Variants in NLK observed in about 807,000 individuals in gnomAD.
NLK encodes nemo like kinase.
In NLK, 11 loss-of-function variants were observed where a neutral mutation model predicts 59.0. That is an observed-to-expected ratio of 0.19 (90% CI 0.12 to 0.31). NLK has a LOEUF of 0.31. Ranked by LOEUF, NLK falls within the 10% of genes least tolerant of loss-of-function variation. The pLI is 1.00. For missense variants in NLK, 410 were observed against 661.1 expected, an observed-to-expected ratio of 0.62 and a Z score of 4.16; for synonymous variants, 235 against 235.9, an observed-to-expected ratio of 1.00 and a Z score of 0.03.
intron 1 of NLK, 137 bp downstream of exon 1, chr17:28,043,468 C>G: frequency 1.3e-6 from 1 of 752,802 alleles, no homozygotes; most frequent in East Asian, 2.7e-5. Flanking sequence ...AAGCCACCCT[C>G]ACTTATGTGG....
chr17:28,110,970 A>C (rs1597686735), intron 1 of NLK, among the ~76,000 whole-genome samples: 1 of 149,722 alleles, frequency 6.7e-6, no homozygotes. Context: ...TCAGCCTCCC[A>C]AGTAGCTGGG....
intron 1 of NLK, among the ~76,000 whole-genome samples, chr17:28,078,409 C>T (rs144280809): frequency 5.9e-5 from 9 of 151,938 alleles, no homozygotes; most frequent in African/African-American, 1.9e-4. Flanking sequence ...TTGGGAAGTA[C>T]GGAGTTCCTG....
At chr17:28,113,985 A>G (rs1172828120) in intron 1 of NLK, among the ~76,000 whole-genome samples, 2 of 151,912 alleles carry the variant, frequency 1.3e-5, no homozygotes, top group Non-Finnish European at 2.9e-5. Context: ...GGTATCTTGT[A>G]GTGTATATTT....
At chr17:28,191,283 A>C in intron 9 of NLK, 64 bp downstream of exon 9, 9 of 1,311,446 alleles carry the variant, frequency 6.9e-6, no homozygotes, top group Non-Finnish European at 9.4e-6. Flanking sequence ...TTAGGTGGCC[A>C]TGAAGAGCTG....
intron 1 of NLK, among the ~76,000 whole-genome samples, chr17:28,080,051 A>G (rs755971688): frequency 6.6e-6 from 1 of 152,080 alleles, no homozygotes; most frequent in Non-Finnish European, 1.5e-5. Flanking sequence ...AGTTTCCCCA[A>G]TATTATTATT....
intron 1 of NLK, among the ~76,000 whole-genome samples, chr17:28,049,567 T>C (rs187767637): frequency 4.6e-5 from 7 of 152,318 alleles, no homozygotes; most frequent in African/African-American, 1.2e-4. Context: ...CCATATTGCT[T>C]TGGAGGAGTT....
intron 3 of NLK, among the ~76,000 whole-genome samples, chr17:28,157,874 C>A (rs1217473409): frequency 1.3e-5 from 2 of 150,950 alleles, no homozygotes; most frequent in Non-Finnish European, 2.9e-5. Context: ...AGTAGAGTAC[C>A]TATACCTAGC....
intron 8 of NLK, among the ~76,000 whole-genome samples, chr17:28,189,689 A>AT (rs1909242744): frequency 6.6e-6 from 1 of 152,240 alleles, no homozygotes; most frequent in African/African-American, 2.4e-5. Context: ...AAACAGTGGA[A>AT]CACTATCCCA....
At chr17:28,058,488 C>A (rs1433445549) in intron 1 of NLK, among the ~76,000 whole-genome samples, 1 of 150,722 alleles carries the variant, frequency 6.6e-6, no homozygotes, top group Non-Finnish European at 1.5e-5. Flanking sequence ...CTCTACCCAC[C>A]GATCCACTAA....
intron 1 of NLK, among the ~76,000 whole-genome samples, chr17:28,098,292 T>C (rs1904772638): frequency 1.3e-5 from 2 of 152,204 alleles, no homozygotes; most frequent in African/African-American, 4.8e-5. Flanking sequence ...CCAAAGGTAA[T>C]TGTTTAAAAA....
intron 1 of NLK, among the ~76,000 whole-genome samples, chr17:28,062,383 CT>C (rs1160497017): frequency 6.6e-6 from 1 of 152,100 alleles, no homozygotes; most frequent in African/African-American, 2.4e-5. Flanking sequence ...ACTTAGGAAG[CT>C]GCTGAAGATG....
At chr17:28,121,291 G>A (rs755971512) in intron 1 of NLK, among the ~76,000 whole-genome samples, 15 of 151,298 alleles carry the variant, frequency 9.9e-5, no homozygotes, top group African/African-American at 3.6e-4. Context: ...GGGGCTGAAC[G>A]ATAATAGCTG....
chr17:28,067,634 G>T (rs1909876691), intron 1 of NLK, among the ~76,000 whole-genome samples: 1 of 151,886 alleles, frequency 6.6e-6, no homozygotes. Flanking sequence ...ATTAGGGATA[G>T]ATTTGGGCAG....
chr17:28,190,067 G>T (rs1909253900), intron 8 of NLK, among the ~76,000 whole-genome samples: 2 of 152,322 alleles, frequency 1.3e-5, no homozygotes, highest in South Asian at 2.1e-4. Context: ...GAGAACAAAA[G>T]TGGTTTTCAT....
At chr17:28,169,337 TTG>T (rs1420109567) in intron 6 of NLK, among the ~76,000 whole-genome samples, 4 of 152,238 alleles carry the variant, frequency 2.6e-5, no homozygotes, top group African/African-American at 9.6e-5. Context: ...TACTTACACT[TTG>T]TGCTTAGAAT....
At chr17:28,063,976 G>GT (rs1909747903) in intron 1 of NLK, among the ~76,000 whole-genome samples, 1 of 152,092 alleles carries the variant, frequency 6.6e-6, no homozygotes, top group South Asian at 2.1e-4. Context: ...CAGTAGTTGG[G>GT]TGAATGTTCA....
chr17:28,203,233 C>T, the NLK span, among the ~76,000 whole-genome samples: 2 of 148,220 alleles, frequency 1.3e-5, no homozygotes, highest in Admixed American at 1.3e-4. Flanking sequence ...TGGTCTCCTG[C>T]TCCTGGCCAC....
intron 5 of NLK, 35 bp downstream of exon 5, chr17:28,163,663 A>T: frequency 8.1e-7 from 1 of 1,237,442 alleles, no homozygotes; most frequent in Non-Finnish European, 1.2e-6. Context: ...CCTGGGAAAA[A>T]TCAGAATGTC....
chr17:28,080,395 A>G (rs988055255), intron 1 of NLK, among the ~76,000 whole-genome samples: 2 of 152,200 alleles, frequency 1.3e-5, no homozygotes, highest in African/African-American at 2.4e-5. Context: ...GCCTGGCAAC[A>G]TAGTGAGAAC....
Sources: allele counts gnomAD v4.1 joint callset (sites outside exome capture counted in the v4.1 genomes callset), GRCh38; gene constraint gnomAD v4.1.1; transcripts MANE v1.5; gene names NCBI Gene and HGNC (gene_info 2026-07-23, HGNC 2026-07-21).